Variants in L3MBTL4 observed in about 807,000 individuals in gnomAD.
The protein encoded by L3MBTL4 is lethal(3)malignant brain tumor-like protein 4.
In L3MBTL4, 70 loss-of-function variants were observed where a neutral mutation model predicts 84.5. That is an observed-to-expected ratio of 0.83 (90% CI 0.68 to 1.01). The LOEUF (loss-of-function observed/expected upper bound fraction) is 1.01, where lower values mean the gene tolerates loss of function less well. Ranked by LOEUF, L3MBTL4 falls within the 50% of genes least tolerant of loss-of-function variation. L3MBTL4 has a pLI of 0.00. For synonymous variants in L3MBTL4, 274 were observed against 259.8 expected, an observed-to-expected ratio of 1.05 and a Z score of -0.52; for missense variants, 715 against 754.8, an observed-to-expected ratio of 0.95 and a Z score of 0.62.
chr18:6,164,901 T>G (rs2043563563), intron 13 of L3MBTL4, among the ~76,000 whole-genome samples: 1 of 152,114 alleles, frequency 6.6e-6, no homozygotes, highest in Non-Finnish European at 1.5e-5. Flanking sequence ...GGAAGAAGTT[T>G]GAACCAATGG....
At chr18:6,295,344 C>CTATA (rs1491551062) in intron 4 of L3MBTL4, among the ~76,000 whole-genome samples, 591 of 105,236 alleles carry the variant, frequency 5.6e-3, no homozygotes, top group African/African-American at 0.01. Context: ...CTCTCTCTCT[C>CTATA]TCTATATATA....
chr18:6,177,429 T>C (rs79511629), intron 12 of L3MBTL4, among the ~76,000 whole-genome samples: 1,746 of 152,188 alleles, frequency 0.011, 49 homozygotes, highest in African/African-American at 0.04. Context: ...ACCAGGTCCA[T>C]GGTTGTCTGG....
intron 5 of L3MBTL4, among the ~76,000 whole-genome samples, chr18:6,250,962 G>A (rs1432034240): frequency 6.6e-6 from 1 of 152,194 alleles, no homozygotes; most frequent in Non-Finnish European, 1.5e-5. Context: ...ATATGAGGAA[G>A]TCTTACATAG....
intron 5 of L3MBTL4, among the ~76,000 whole-genome samples, chr18:6,254,412 C>CTTTT (rs763440464): frequency 9.8e-5 from 11 of 112,712 alleles, no homozygotes; most frequent in Non-Finnish European, 1.1e-4. Flanking sequence ...AAAGTGACAC[C>CTTTT]TTTTTTTTTT....
rs749793005 is a variant in L3MBTL4, at chr18:5,960,140, T to G, written c.1631A>C (p.Gln544Pro). ...WTVDEVAEFV[Q>P]SLLGCEEHAK... ...ATGCTCTTCACAGCCCAGAAGAGAC[T>G]GTACAAACTCAGCCACCTACAGTGC... Residue 544 changes from glutamine to proline, a missense_variant, in exon 18 of 19, where the codon CAG becomes CCG. Gln to Pro is a moderately conservative substitution (Grantham distance 76). Coordinates refer to ENST00000317931, the MANE Select transcript of L3MBTL4 (RefSeq NM_001330559.2). 2 of 1,594,390 alleles carry G rather than the reference T, an allele frequency of 1.3e-6. No individual in the cohort carries two copies. Among genetic ancestry groups the G allele is most frequent in the South Asian group, 2.3e-5 (2 of 86,936 alleles).
intron 10 of L3MBTL4, among the ~76,000 whole-genome samples, chr18:6,217,073 T>A (rs1377777294): frequency 1.3e-5 from 2 of 152,208 alleles, no homozygotes; most frequent in South Asian, 4.1e-4. Flanking sequence ...CTAAAATAAG[T>A]ATTTTTTTAC....
chr18:6,030,699 T>G, intron 16 of L3MBTL4: 2 of 971,836 alleles, frequency 2.1e-6, no homozygotes, highest in Non-Finnish European at 2.4e-6. Flanking sequence ...TTTCAATTTT[T>G]TCTTTGTATT....
rs1381910675 is a variant in L3MBTL4, at chr18:5,956,297, T to G, written c.1768A>C (p.Asn590His). The change falls in exon 19 of 19, where the codon AAC becomes CAC. Residue 590 changes from asparagine to histidine, a missense_variant. Transcript: ENST00000317931. ...GAATGCCTGAACATCAGGATAGAGT[T>G]GTAAATCTTCAGTGCTGGGCCCAGT... ...IKLGPALKIY[N>H]SILMFRHSQE... The G allele has an allele frequency of 6.2e-7, 1 of 1,614,154 alleles. No individual in the cohort carries two copies. Among genetic ancestry groups the G allele is most frequent in the East Asian group, 2.2e-5 (1 of 44,880 alleles).
chr18:6,004,718 C>G (rs1213810404), intron 16 of L3MBTL4, among the ~76,000 whole-genome samples: 2 of 152,046 alleles, frequency 1.3e-5, no homozygotes, highest in African/African-American at 4.8e-5. Flanking sequence ...CATGGGTGAA[C>G]CTTGAAGACA....
At chr18:6,172,691 T>C (rs753985609) in intron 12 of L3MBTL4, among the ~76,000 whole-genome samples, 6 of 152,148 alleles carry the variant, frequency 3.9e-5, no homozygotes, top group Non-Finnish European at 7.4e-5. Flanking sequence ...AATAATTAAA[T>C]AAATCCCAAT....
chr18:6,401,114 T>C (rs1321603033), intron 1 of L3MBTL4, among the ~76,000 whole-genome samples: 1 of 152,142 alleles, frequency 6.6e-6, no homozygotes, highest in African/African-American at 2.4e-5. Flanking sequence ...CAATCTGACA[T>C]TATATTTGGC....
chr18:5,971,090 T>G (rs1203589932), intron 16 of L3MBTL4, among the ~76,000 whole-genome samples: 1 of 152,252 alleles, frequency 6.6e-6, no homozygotes, highest in East Asian at 1.9e-4. Context: ...TGTAAATAGG[T>G]TATCTCTTCT....
intron 16 of L3MBTL4, among the ~76,000 whole-genome samples, chr18:6,048,008 A>G (rs541603871): frequency 6.6e-6 from 1 of 152,336 alleles, no homozygotes; most frequent in South Asian, 2.1e-4. Context: ...AGAAAACCCT[A>G]AAGACTCTAC....
chr18:6,380,995 G>A (rs1179035172), intron 1 of L3MBTL4, among the ~76,000 whole-genome samples: 2 of 152,096 alleles, frequency 1.3e-5, no homozygotes, highest in Non-Finnish European at 2.9e-5. Context: ...ATGCATCTGG[G>A]TGCTACTGTA....
chr18:6,098,924 G>C (rs960467507), intron 14 of L3MBTL4, among the ~76,000 whole-genome samples: 1 of 152,094 alleles, frequency 6.6e-6, no homozygotes, highest in Non-Finnish European at 1.5e-5. Context: ...CAGAACCAAA[G>C]GACAGGAGGA....
chr18:5,975,593 C>A (rs1402820572), intron 16 of L3MBTL4, among the ~76,000 whole-genome samples: 1 of 152,228 alleles, frequency 6.6e-6, no homozygotes, highest in Non-Finnish European at 1.5e-5. Flanking sequence ...GCGTACTGAA[C>A]GTGCTTGAAG....
intron 10 of L3MBTL4, among the ~76,000 whole-genome samples, chr18:6,229,418 A>G (rs73385928): frequency 6.4e-4 from 98 of 152,202 alleles, no homozygotes; most frequent in African/African-American, 2.2e-3. Flanking sequence ...TCCACTCTGT[A>G]GGCTGCCTTT....
intron 14 of L3MBTL4, among the ~76,000 whole-genome samples, chr18:6,129,137 A>G (rs1473013759): frequency 6.6e-6 from 1 of 152,134 alleles, no homozygotes; most frequent in East Asian, 1.9e-4. Context: ...AGGAAGGTCA[A>G]TGATGCAAAA....
At chr18:6,277,917 C>A (rs530860205) in intron 4 of L3MBTL4, among the ~76,000 whole-genome samples, 110 of 152,090 alleles carry the variant, frequency 7.2e-4, no homozygotes, top group Non-Finnish European at 1.4e-3. Context: ...GGTATAAAAT[C>A]TTATCATGTG....
Sources: gnomAD v4.1 joint callset for allele counts (sites outside exome capture counted in the v4.1 genomes callset) on GRCh38, gnomAD v4.1.1 for gene constraint, MANE v1.5 for transcripts, NCBI Gene and HGNC (gene_info 2026-07-23, HGNC 2026-07-21) for gene names.